SPATA13: variants seen among roughly 807,000 people sequenced by gnomAD.
SPATA13 encodes spermatogenesis-associated protein 13.
A neutral mutation model predicts 104.0 loss-of-function variants in SPATA13; 50 were observed. The ratio of observed to expected loss-of-function variants is 0.48; its 90% CI spans 0.38 to 0.61. The LOEUF (loss-of-function observed/expected upper bound fraction) is 0.61. Among genes scored for constraint, SPATA13 ranks in the 20% least tolerant of loss-of-function variants. SPATA13 has a pLI of 0.00. For missense variants in SPATA13, 1,524 were observed against 1,690.6 expected, an observed-to-expected ratio of 0.90 and a Z score of 1.73; for synonymous variants, 606 against 667.5, an observed-to-expected ratio of 0.91 and a Z score of 1.42.
intron 3 of SPATA13, among the ~76,000 whole-genome samples, chr13:24,020,514 G>A (rs1876929376): frequency 6.6e-6 from 1 of 152,164 alleles, no homozygotes. Context: ...GGCCGTGAGA[G>A]GGAGCTGTTG....
At position 24,291,849 on chromosome 13, in the gene SPATA13, C is replaced by T. The variant is rs538751503; in HGVS notation, c.3080+965C>T. Among the ~76,000 whole-genome samples the T allele has an allele frequency of 4.3e-3, 645 of 150,524 alleles. 4 individuals carry two copies. Among genetic ancestry groups the T allele is most frequent in the Middle Eastern group, 0.01 (3 of 292 alleles). ...TCGGCTCACTGCAAGCTCCGCTTCC[C>T]GGGTTCACGCCATTCTCCTGCCTCA... On this transcript the variant is annotated intron_variant, in intron 9 of 12. Coordinates refer to ENST00000382108, the MANE Select transcript of SPATA13 (RefSeq NM_001166271.3).
intron 2 of SPATA13, among the ~76,000 whole-genome samples, chr13:24,008,987 G>A (rs1876349964): frequency 6.6e-6 from 1 of 152,240 alleles, no homozygotes; most frequent in Non-Finnish European, 1.5e-5. Flanking sequence ...CAGCACAAGA[G>A]GTGCTGAGCA....
intron 2 of SPATA13, chr13:24,017,613 T>C (rs774335148): frequency 1.4e-5 from 13 of 955,346 alleles, no homozygotes; most frequent in African/African-American, 1.8e-5. Context: ...TAACCTCAGC[T>C]AACCTGTTTT....
intron 1 of SPATA13, among the ~76,000 whole-genome samples, chr13:24,207,338 A>G (rs1370758881): frequency 1.3e-5 from 2 of 152,344 alleles, no homozygotes; most frequent in Non-Finnish European, 2.9e-5. Flanking sequence ...TACCTAGGTA[A>G]CAAATCTGCA....
chr13:23,994,055 C>T (rs55953024), intron 2 of SPATA13, among the ~76,000 whole-genome samples: 12,006 of 150,244 alleles, frequency 0.08, 524 homozygotes, highest in Non-Finnish European at 0.094. Context: ...GTGATTGCCA[C>T]GCATTGGCGT....
intron 3 of SPATA13, among the ~76,000 whole-genome samples, chr13:24,030,329 T>C (rs1566078726): frequency 6.6e-6 from 1 of 152,192 alleles, no homozygotes. Context: ...CTGTACTTCA[T>C]ATTTTATTTG....
At chr13:24,242,285 T>C (rs932914665) in intron 2 of SPATA13, among the ~76,000 whole-genome samples, 1 of 152,064 alleles carries the variant, frequency 6.6e-6, no homozygotes, top group African/African-American at 2.4e-5. Context: ...GCCGGATGCA[T>C]GCGCATGACT....
intron 3 of SPATA13, among the ~76,000 whole-genome samples, chr13:24,090,571 T>C (rs980385765): frequency 6.6e-6 from 1 of 152,202 alleles, no homozygotes; most frequent in African/African-American, 2.4e-5. Flanking sequence ...CTACTGAGCA[T>C]GGTTCTTTCC....
intron 3 of SPATA13, among the ~76,000 whole-genome samples, chr13:24,110,918 C>CTTTTTATTTTTTAT (rs141512439): frequency 2.6e-5 from 4 of 151,930 alleles, no homozygotes; most frequent in African/African-American, 9.7e-5. Flanking sequence ...TTGATTATCT[C>CTTTTTATTTTTTAT]TTTTTATTTT....
rs74040669 is a variant in SPATA13 at position 24,302,967 on chromosome 13, C to T, written c.*194C>T. The stretch of plus-strand genomic sequence containing the variant: ...AGCTGCCTTTGTGGAAGGGAGGAGA[C>T]GGTCATGACACAAAGCTTTATCCTA... On this transcript the variant is annotated 3_prime_UTR_variant, in exon 13 of 13. Transcript: ENST00000382108. The T allele has an allele frequency of 6.0e-4, 400 of 669,852 alleles. 3 individuals are homozygous for T. In the African/African-American group the frequency reaches 6.4e-3, roughly 11 times the overall value. 41.5% of individuals were successfully genotyped at this position (669,852 alleles called of 1,614,324 possible).
In SPATA13 at chr13:24,286,314, T is replaced by C. The variant is rs1330843799; in HGVS notation, c.2402T>C (p.Val801Ala). The C allele has an allele frequency of 6.2e-7, 1 of 1,613,730 alleles. No homozygotes were observed. The highest frequency in any genetic ancestry group is 1.1e-5 in the South Asian group (1 of 91,050). ...LGFKAGDVIQ[V>A]LEASNKDWWW... ...TTCAAAGCCGGGGATGTCATCCAGG[T>C]TCTGGAAGCCTCCAACAAGGACTGG... is the stretch of plus-strand genomic sequence containing the variant. The change falls in exon 6 of 13, where the codon GTT becomes GCT. Residue 801 changes from valine (V) to alanine (A), a missense_variant. By Grantham distance (64) the Val-to-Ala change is moderately conservative. Around this residue, in one of 2 missense-constraint regions of SPATA13, gnomAD observed 1,089 missense variants for 1,135.9 expected, o/e 0.96. Transcript: ENST00000382108. This position sits in a 1 kb window ranked among gnomAD's most constrained non-coding sequence, Gnocchi z 4.9.
chr13:23,981,854 T>A (rs1167967805), intron 1 of SPATA13, among the ~76,000 whole-genome samples: 2 of 152,248 alleles, frequency 1.3e-5, no homozygotes, highest in African/African-American at 4.8e-5. Context: ...TAATGGTAAG[T>A]GAATTTCTTA....
intron 3 of SPATA13, among the ~76,000 whole-genome samples, chr13:24,090,517 C>G (rs900074049): frequency 1.3e-5 from 2 of 152,150 alleles, no homozygotes; most frequent in African/African-American, 4.8e-5. Context: ...ACCTCGCCCT[C>G]TTTTTTCCCA....
chr13:24,230,466 G>A (rs956353848), intron 2 of SPATA13, among the ~76,000 whole-genome samples: 26 of 152,266 alleles, frequency 1.7e-4, no homozygotes, highest in Admixed American at 1.4e-3. Context: ...TGCCCCGGGC[G>A]GCGGTTGCAG....
intron 4 of SPATA13, among the ~76,000 whole-genome samples, chr13:24,253,371 C>T (rs1873610011): frequency 1.3e-5 from 2 of 152,092 alleles, no homozygotes; most frequent in African/African-American, 4.8e-5. Context: ...AAGGAGACAC[C>T]CAGATCCTCA....
At chr13:24,170,246 C>G (rs1882912756) in intron 1 of SPATA13, among the ~76,000 whole-genome samples, 1 of 152,106 alleles carries the variant, frequency 6.6e-6, no homozygotes, top group Non-Finnish European at 1.5e-5. Context: ...CTGAGGGCTA[C>G]TTTTAAGCCT....
At chr13:24,099,753 G>A (rs1175508440) in intron 3 of SPATA13, among the ~76,000 whole-genome samples, 2 of 152,214 alleles carry the variant, frequency 1.3e-5, no homozygotes, top group African/African-American at 2.4e-5. Flanking sequence ...CAGATTCAGG[G>A]AATGTGCAGA....
rs1876847422 is a variant in SPATA13, at chr13:24,297,237, G to T, written c.3211-126G>T. ...AAATTTTATGTGGAGATGGGGTCTT[G>T]CTGTGTTGCCCAGGCTGGTCTCAAA... is the stretch of plus-strand genomic sequence containing the variant. On this transcript the variant is annotated intron_variant, in intron 10 of 12. Coordinates refer to ENST00000382108, the MANE Select transcript of SPATA13 (RefSeq NM_001166271.3). The T allele has an allele frequency of 2.7e-6, 3 of 1,118,090 alleles. No individual in the cohort carries two copies. The African/African-American group carries it at 4.7e-5, about 18-fold the overall frequency. 69.3% of individuals were successfully genotyped at this position (1,118,090 alleles called of 1,614,324 possible).
At chr13:24,146,450 C>G (rs982585492) in intron 3 of SPATA13, among the ~76,000 whole-genome samples, 1 of 152,222 alleles carries the variant, frequency 6.6e-6, no homozygotes. Flanking sequence ...AATTCGTTGG[C>G]TTTCATTTAA....
Sources: gnomAD v4.1 joint callset for allele counts (sites outside exome capture counted in the v4.1 genomes callset) on GRCh38, gnomAD v4.1.1 for gene constraint, gnomAD v4.1.1 regional missense constraint, Gnocchi (gnomAD v3.1) non-coding constraint, MANE v1.5 for transcripts, NCBI Gene and HGNC (gene_info 2026-07-23, HGNC 2026-07-21) for gene names.